The following CBR4 variants were observed in gnomAD, a reference collection of about 807,000 sequenced individuals.
CBR4 encodes the protein carbonyl reductase 4.
Under a neutral mutation model 21.0 loss-of-function variants are expected in CBR4, and 22 were observed. That is an observed-to-expected ratio of 1.05 (90% CI 0.75 to 1.50). CBR4 has a LOEUF of 1.50. Ranked by LOEUF, CBR4 falls within the 40% of genes most tolerant of loss-of-function variation. CBR4 has a pLI of 0.00. For missense variants in CBR4, 302 were observed against 286.3 expected (o/e 1.05, Z -0.40); for synonymous variants, 100 against 104.4 (o/e 0.96, Z 0.26).
chr4:168,984,471 GCCA>G (rs1293467844), downstream of CBR4, among the ~76,000 whole-genome samples: 1 of 132,194 alleles, frequency 7.6e-6, no homozygotes, highest in African/African-American at 2.5e-5. Flanking sequence ...TGTTAAAATG[GCCA>G]CAATGCCCAA....
chr4:168,985,988 T>G (rs1011222557), downstream of CBR4, among the ~76,000 whole-genome samples: 5 of 151,640 alleles, frequency 3.3e-5, no homozygotes, highest in Non-Finnish European at 5.9e-5. Context: ...CAAAATTATC[T>G]GTACACCAAA....
At chr4:168,984,435 T>C (rs2126789740), downstream of CBR4, among the ~76,000 whole-genome samples, 1 of 152,232 alleles carries the variant, frequency 6.6e-6, no homozygotes, top group South Asian at 2.1e-4. Context: ...AAATATTCTA[T>C]GCTCATGGAT....
chr4:168,989,131 T>A lies in CBR4; in HGVS notation c.*1019A>T. 1.0e-6 allele frequency: 1 copy of A among 970,592 alleles called. No individual in the cohort carries two copies. The highest frequency in any genetic ancestry group is 1.2e-6 in the Non-Finnish European group (1 of 816,384). The allele number at this position is 970,592 out of a possible 1,614,324, so 60.1% of individuals were successfully genotyped here. ...AATGTTATTGCATATTTATTTATTTTTTATGCTTATTCATACAGAATTTAT... is the reference window on the plus strand; with the variant it reads ...AATGTTATTGCATATTTATTTATTTATTATGCTTATTCATACAGAATTTAT... On this transcript the variant is annotated 3_prime_UTR_variant, in exon 5 of 5. Transcript: ENST00000306193.
At chr4:168,981,340 A>C (rs1410041139) in intron 2 of CBR4, among the ~76,000 whole-genome samples, 1 of 152,196 alleles carries the variant, frequency 6.6e-6, no homozygotes, top group Non-Finnish European at 1.5e-5. Context: ...CAGAGGTAGC[A>C]GTGAGCCGAG....
chr4:169,003,342 G>A (rs1207853238), intron 3 of CBR4, among the ~76,000 whole-genome samples: 1 of 152,262 alleles, frequency 6.6e-6, no homozygotes, highest in South Asian at 2.1e-4. Flanking sequence ...GACTTCAGTG[G>A]AGCAGAATTA....
At position 168,925,058 on chromosome 4, in the gene CBR4, C is replaced by T. The variant is rs1762303963; in HGVS notation, n.170-30293G>A. The T allele has an allele frequency of 1.4e-5, 22 of 1,614,054 alleles. No individual in the cohort carries two copies. The highest frequency in any genetic ancestry group is 1.9e-5 in the Non-Finnish European group (22 of 1,179,954). On this transcript the variant is annotated intron_variant and non_coding_transcript_variant, in intron 2 of 3. Coordinates refer to the CBR4 transcript ENST00000509108. ...AATGAAGCAGGGATTGTGTCCTGTACTGCCAGGCTGGACGTTTACAGTGAG... is the reference window on the plus strand; with the variant it reads ...AATGAAGCAGGGATTGTGTCCTGTATTGCCAGGCTGGACGTTTACAGTGAG...
intron 2 of CBR4, chr4:168,894,849 CTATGT>C (rs1754776181): frequency 4.9e-6 from 5 of 1,019,776 alleles, no homozygotes; most frequent in Non-Finnish European, 4.3e-6. Flanking sequence ...TGAGCACATA[CTATGT>C]TAAGTGACTG....
downstream of CBR4, among the ~76,000 whole-genome samples, chr4:168,982,621 T>C: frequency 6.6e-6 from 1 of 152,174 alleles, no homozygotes; most frequent in East Asian, 1.9e-4. Context: ...ATATACGTTC[T>C]TCTCATCTGC....
chr4:168,959,122 A>G (rs1028572274), intron 2 of CBR4, among the ~76,000 whole-genome samples: 3 of 152,100 alleles, frequency 2.0e-5, no homozygotes, highest in Non-Finnish European at 2.9e-5. Context: ...TGCCTACCCC[A>G]AAGTCACTTT....
intron 4 of CBR4, among the ~76,000 whole-genome samples, chr4:168,991,750 T>C (rs2126812737): frequency 6.6e-6 from 1 of 152,306 alleles, no homozygotes; most frequent in African/African-American, 2.4e-5. Context: ...ATCCTGTATA[T>C]TACTCAATCA....
chr4:168,983,746 TA>T (rs774494226), downstream of CBR4, among the ~76,000 whole-genome samples: 72 of 152,260 alleles, frequency 4.7e-4, no homozygotes, highest in Non-Finnish European at 2.1e-4. Context: ...GATGCAAGGT[TA>T]ATTCAACATA....
At chr4:168,946,294 C>T (rs1763395550) in intron 2 of CBR4, among the ~76,000 whole-genome samples, 1 of 152,192 alleles carries the variant, frequency 6.6e-6, no homozygotes, top group Non-Finnish European at 1.5e-5. Flanking sequence ...TCTGGAGAAT[C>T]TGACCAGTCA....
chr4:168,945,483 A>G (rs141102516), intron 2 of CBR4, among the ~76,000 whole-genome samples: 481 of 152,314 alleles, frequency 3.2e-3, no homozygotes, highest in Non-Finnish European at 5.1e-3. Context: ...GATTATCTTC[A>G]GGGGGCCTTA....
At position 169,002,083 on chromosome 4, in the gene CBR4, C is replaced by T. The variant is rs1036456718; in HGVS notation, c.523G>A (p.Val175Ile). Residue 175 changes from valine to isoleucine, a missense_variant, in exon 4 of 5, where the codon GTA becomes ATA. Transcript: ENST00000306193. ...AGTTTTCACTAACCTGGTGCAACTA[C>T]ATTCACTCTAATTTTCTTTCTTGCT... ...EVARKKIRVN[V>I]VAPGFVHTDM... 1.9e-6 allele frequency: 3 copies of T among 1,584,864 alleles called. No individual in the cohort carries two copies. Among genetic ancestry groups the T allele is most frequent in the Non-Finnish European group, 2.6e-6 (3 of 1,169,300 alleles).
chr4:168,894,491 G>A (rs946641114), intron 3 of CBR4: 2 of 795,470 alleles, frequency 2.5e-6, no homozygotes, highest in Non-Finnish European at 4.3e-6. Context: ...AATCATGAAA[G>A]TGTGTTGTTT....
At position 168,924,893 on chromosome 4, in the gene CBR4, A is replaced by G. The variant is rs1582248397; in HGVS notation, n.170-30128T>C. ...TAATTAAAAATGATGCTTCATGTCC[A>G]AAGCCACTTTTAAAAAATTTAGAAC... is the stretch of plus-strand genomic sequence containing the variant. On this transcript the variant is annotated intron_variant and non_coding_transcript_variant, in intron 2 of 3. Coordinates refer to the CBR4 transcript ENST00000509108. 2.5e-6 allele frequency: 4 copies of G among 1,605,456 alleles called. No homozygotes were observed. In the East Asian group the frequency reaches 8.9e-5, roughly 36 times the overall value.
intron 2 of CBR4, among the ~76,000 whole-genome samples, chr4:168,908,908 G>C (rs1286599277): frequency 6.6e-6 from 1 of 152,154 alleles, no homozygotes; most frequent in African/African-American, 2.4e-5. Context: ...TTTCCACCTG[G>C]GTTAATCTTT....
At chr4:168,970,848 AT>A (rs1307352837) in intron 2 of CBR4, among the ~76,000 whole-genome samples, 18 of 151,964 alleles carry the variant, frequency 1.2e-4, no homozygotes, top group African/African-American at 4.4e-4. Flanking sequence ...ATATATATAT[AT>A]ACCACATTTT....
At chr4:168,977,006 G>A (rs1764392932) in intron 2 of CBR4, among the ~76,000 whole-genome samples, 1 of 152,176 alleles carries the variant, frequency 6.6e-6, no homozygotes, top group South Asian at 2.1e-4. Flanking sequence ...TCACACTTTG[G>A]GAACTCACAG....
Sources: gnomAD v4.1 joint callset for allele counts (sites outside exome capture counted in the v4.1 genomes callset) on GRCh38, gnomAD v4.1.1 for gene constraint, MANE v1.5 for transcripts, NCBI Gene and HGNC (gene_info 2026-07-23, HGNC 2026-07-21) for gene names.